The following TENM1 variants were observed in gnomAD, a reference collection of about 807,000 sequenced individuals.
The protein encoded by TENM1 is teneurin transmembrane protein 1, also known as teneurin-1.
TENM1 carries 35 observed loss-of-function variants against 174.8 expected under a neutral mutation model. The ratio of observed to expected loss-of-function variants is 0.20; its 90% CI spans 0.15 to 0.27. The LOEUF (loss-of-function observed/expected upper bound fraction) is 0.27. Among genes scored for constraint, TENM1 ranks in the 10% least tolerant of loss-of-function variants. The probability of loss-of-function intolerance (pLI) is 1.00; values close to 1 mark genes in which losing one functional copy is unlikely to be tolerated. For missense variants in TENM1, 1,633 were observed against 2,130.1 expected (o/e 0.77, Z 4.59); for synonymous variants, 781 against 798.7 (o/e 0.98, Z 0.37).
intron 10 of TENM1, among the ~76,000 whole-genome samples, chrX:124,644,130 CATAT>C (rs1336856869): frequency 4.7e-5 from 4 of 84,877 alleles, no homozygotes; most frequent in Non-Finnish European, 6.9e-5. Flanking sequence ...ATATATATGC[CATAT>C]ATATATATAA....
chrX:124,443,042 CTATGTG>C (rs1166571583), intron 23 of TENM1, among the ~76,000 whole-genome samples: 1,442 of 42,112 alleles, frequency 0.034, 38 homozygotes, highest in Non-Finnish European at 0.046. Flanking sequence ...GCCTGGATGA[CTATGTG>C]TGTGTGTGTG....
rs920961055 is a variant in TENM1, at chrX:124,894,739, C to T, written c.479-387G>A. ...GCCAATATAAGAGATCACCTACCACCCCATTTCATATAATTTTGATCATTG... is the reference window on the plus strand; with the variant it reads ...GCCAATATAAGAGATCACCTACCACTCCATTTCATATAATTTTGATCATTG... On this transcript the variant is annotated intron_variant, in intron 2 of 31. Transcript: ENST00000422452. Among the ~76,000 whole-genome samples the T allele has an allele frequency of 9.0e-5, 10 of 111,161 alleles. 1 individual carries two copies. The highest frequency in any genetic ancestry group is 1.9e-4 in the Non-Finnish European group (10 of 53,012).
intron 1 of TENM1, among the ~76,000 whole-genome samples, chrX:124,898,215 G>T (rs2057595849): frequency 9.0e-6 from 1 of 111,046 alleles, no homozygotes; most frequent in Non-Finnish European, 1.9e-5. Context: ...GTGTGGAGTA[G>T]GGCCAAAGAA....
At chrX:125,013,409 T>C in the TENM1 span, among the ~76,000 whole-genome samples, 2 of 111,963 alleles carry the variant, frequency 1.8e-5, no homozygotes, top group Admixed American at 9.5e-5. Context: ...TAGTATTTAA[T>C]TTTAATAGTA....
chrX:124,835,880 G>T (rs2056382095), intron 3 of TENM1, among the ~76,000 whole-genome samples: 1 of 112,208 alleles, frequency 8.9e-6, no homozygotes, highest in Non-Finnish European at 1.9e-5. Context: ...AGGACATAGG[G>T]AAGAGGTGTA....
At chrX:124,568,784 T>C (rs1432445628) in intron 11 of TENM1, among the ~76,000 whole-genome samples, 1 of 111,823 alleles carries the variant, frequency 8.9e-6, no homozygotes, top group African/African-American at 3.2e-5. Flanking sequence ...CTGACATTTA[T>C]GGATGCTTTT....
At chrX:124,563,186 G>A (rs2048859501) in intron 13 of TENM1, among the ~76,000 whole-genome samples, 1 of 110,012 alleles carries the variant, frequency 9.1e-6, no homozygotes, top group Admixed American at 9.7e-5. Flanking sequence ...AAAGGCACTA[G>A]GATATCTGGC....
intron 3 of TENM1, among the ~76,000 whole-genome samples, chrX:124,765,928 C>G (rs185675730): frequency 9.0e-6 from 1 of 111,689 alleles, no homozygotes; most frequent in East Asian, 2.8e-4. Context: ...GATACCGTCA[C>G]GGAAATTATT....
intron 1 of TENM1, among the ~76,000 whole-genome samples, chrX:124,936,075 T>C (rs1009633938): frequency 3.6e-5 from 4 of 112,013 alleles, no homozygotes; most frequent in Non-Finnish European, 7.5e-5. Context: ...TACTCTTTTA[T>C]ATATGTGAAC....
At chrX:124,539,999 C>T (rs192501270) in intron 15 of TENM1, among the ~76,000 whole-genome samples, 10 of 112,215 alleles carry the variant, frequency 8.9e-5, no homozygotes, top group Admixed American at 8.5e-4. Context: ...GGCTACCTGT[C>T]TTCCCCATCA....
the TENM1 span, among the ~76,000 whole-genome samples, chrX:125,067,849 T>C: frequency 8.9e-6 from 1 of 112,199 alleles, no homozygotes; most frequent in Non-Finnish European, 1.9e-5. Flanking sequence ...TCCCTTCTTT[T>C]TTTGAGAGAA....
In TENM1 at chrX:124,434,731, C is replaced by T. The variant is rs192412005; in HGVS notation, c.4105-12093G>A. On this transcript the variant is annotated intron_variant, in intron 23 of 31. Coordinates refer to ENST00000422452, the Ensembl canonical transcript of TENM1. ...GCCCAGTGTGAAAACTACAGAATGTCCTTCAGACTCCACAGCTAATTTGTT... is the reference window on the plus strand; with the variant it reads ...GCCCAGTGTGAAAACTACAGAATGTTCTTCAGACTCCACAGCTAATTTGTT... Among the ~76,000 whole-genome samples the T allele has an allele frequency of 6.0e-3, 668 of 112,135 alleles. 3 individuals are homozygous for T. Among genetic ancestry groups the T allele is most frequent in the Admixed American group, 0.015 (162 of 10,559 alleles).
chrX:125,056,563 C>A, the TENM1 span, among the ~76,000 whole-genome samples: 15 of 111,409 alleles, frequency 1.3e-4, no homozygotes, highest in Middle Eastern at 4.6e-3. Flanking sequence ...CCCAGGGCTA[C>A]TGTCAGAAGC....
At chrX:125,057,883 C>A in the TENM1 span, among the ~76,000 whole-genome samples, 3 of 111,905 alleles carry the variant, frequency 2.7e-5, no homozygotes, top group African/African-American at 9.7e-5. Context: ...ACTGAAACCA[C>A]TGACAGTTTC....
intron 11 of TENM1, among the ~76,000 whole-genome samples, chrX:124,572,836 T>C (rs1358231190): frequency 9.0e-6 from 1 of 111,514 alleles, no homozygotes; most frequent in Admixed American, 9.6e-5. Context: ...CATAAAATTT[T>C]AAAACTTTAT....
intron 14 of TENM1, among the ~76,000 whole-genome samples, chrX:124,556,918 T>C (rs962726672): frequency 8.9e-6 from 1 of 112,051 alleles, no homozygotes; most frequent in South Asian, 3.7e-4. Flanking sequence ...TTATTTAATA[T>C]CTACCTGCCT....
chrX:124,712,484 C>T (rs1320410219), intron 4 of TENM1, among the ~76,000 whole-genome samples: 1 of 109,777 alleles, frequency 9.1e-6, no homozygotes, highest in Non-Finnish European at 1.9e-5. Flanking sequence ...TTTTCTTTTT[C>T]TTTTTTGTTT....
At chrX:124,771,261 C>T (rs1330787913) in intron 3 of TENM1, among the ~76,000 whole-genome samples, 1 of 112,361 alleles carries the variant, frequency 8.9e-6, no homozygotes, top group Non-Finnish European at 1.9e-5. Context: ...AAAACTCTCC[C>T]ACCTTCAGTC....
At chrX:124,783,212 T>C (rs1396080265) in intron 3 of TENM1, among the ~76,000 whole-genome samples, 1 of 112,006 alleles carries the variant, frequency 8.9e-6, no homozygotes, top group Admixed American at 9.5e-5. Flanking sequence ...TTTGGAAAGA[T>C]ACCTATGATA....
Sources: allele counts gnomAD v4.1 joint callset (sites outside exome capture counted in the v4.1 genomes callset), GRCh38; gene constraint gnomAD v4.1.1; transcripts MANE v1.5; gene names NCBI Gene and HGNC (gene_info 2026-07-23, HGNC 2026-07-21).